EVX2: variants seen among roughly 807,000 people sequenced by gnomAD.
EVX2 encodes the protein homeobox even-skipped homolog protein 2.
EVX2 carries 10 observed loss-of-function variants against 19.2 expected under a neutral mutation model. The ratio of observed to expected loss-of-function variants is 0.52; its 90% CI spans 0.32 to 0.89. The LOEUF is 0.89. Ranked by LOEUF, EVX2 falls within the 40% of genes least tolerant of loss-of-function variation. The pLI is 0.03. For missense variants in EVX2, 710 were observed against 694.9 expected, an observed-to-expected ratio of 1.02 and a Z score of -0.24; for synonymous variants, 354 against 328.4, an observed-to-expected ratio of 1.08 and a Z score of -0.84.
chr2:176,083,204 A>T lies in EVX2; in HGVS notation c.427+146T>A. 1 of 848,120 alleles carries T rather than the reference A, an allele frequency of 1.2e-6. No homozygotes were observed. The highest frequency in any genetic ancestry group is 2.8e-5 in the Admixed American group (1 of 35,206). The allele number at this position is 848,120 out of a possible 1,614,324, so 52.5% of individuals were successfully genotyped here. A position where few individuals can be genotyped will look rare whatever the true frequency, so the allele number is the denominator to read the frequency against. ...AGAACTGGAAGGCACGGTCCCAGAC[A>T]TGCGTCCCGCCCCCGCCCGTGCTAG... On this transcript the variant is annotated intron_variant, in intron 1 of 2. Coordinates refer to ENST00000308618, the MANE Select transcript of EVX2 (RefSeq NM_001080458.2). The surrounding 1 kb of genome is among the most constrained non-coding windows in gnomAD (Gnocchi z 4.4).
chr2:176,080,683 G>C lies in EVX2; in HGVS notation c.855C>G (p.His285Gln). The change falls in exon 3 of 3, where the codon CAC (histidine) becomes CAG (glutamine). Residue 285 changes from histidine to glutamine, a missense_variant. His to Gln is a conservative substitution (Grantham distance 24, BLOSUM62 0). Transcript: ENST00000308618. This position sits in a 1 kb window ranked among gnomAD's most constrained non-coding sequence, Gnocchi z 7.0. ...CCGTGACGCCCACGTGCGGGTAGTA[G>C]TGCAGCGGCACGTGCGAGTGGAAGG... ...PYPFHSHVPL[H>Q]YYPHVGVTAA... 4 of 1,599,788 alleles carry C rather than the reference G, an allele frequency of 2.5e-6. No individual in the cohort carries two copies. The highest frequency in any genetic ancestry group is 3.4e-6 in the Non-Finnish European group (4 of 1,177,926).
In EVX2 at chr2:176,080,357, C is replaced by G; in HGVS notation, c.1181G>C (p.Ser394Thr). The change falls in exon 3 of 3, where the codon AGC (serine) becomes ACC (threonine). Residue 394 changes from serine (S) to threonine (T), a missense_variant. Physicochemically the swap from Ser to Thr is moderately conservative, Grantham distance 58 (BLOSUM62 1). Coordinates refer to ENST00000308618, the MANE Select transcript of EVX2 (RefSeq NM_001080458.2). This position sits in a 1 kb window ranked among gnomAD's most constrained non-coding sequence, Gnocchi z 7.0. ...CGCGGCTGCCGCCGCCGACTGACTG[C>G]TGTGGCAACTGAGGCACGAGCAGGG... ...SAPCSCLSCH[S>T]SQSAAAAAAA... 1 of 1,243,370 alleles carries G rather than the reference C, an allele frequency of 8.0e-7. No individual in the cohort carries two copies. 77.0% of individuals were successfully genotyped at this position (1,243,370 alleles called of 1,614,324 possible). A position where few individuals can be genotyped will look rare whatever the true frequency, so the allele number is the denominator to read the frequency against.
At position 176,082,783 on chromosome 2, in the gene EVX2, T is replaced by C. The variant is rs1483827512; in HGVS notation, c.428-334A>G. Among the ~76,000 whole-genome samples the C allele has an allele frequency of 6.6e-6, 1 of 152,194 alleles. No homozygotes were observed. The highest frequency in any genetic ancestry group is 2.4e-5 in the African/African-American group (1 of 41,438). ...ATGGTCTGGAGACCGCAGGGCAGCT[T>C]TTTATACGGCCTCTAACCTTTATCT... On this transcript the variant is annotated intron_variant, in intron 1 of 2. Coordinates refer to ENST00000308618, the MANE Select transcript of EVX2 (RefSeq NM_001080458.2). The surrounding 1 kb of genome is among the most constrained non-coding windows in gnomAD (Gnocchi z 5.2).
In EVX2 at chr2:176,078,049, C is replaced by T. The variant is rs1689079352; in HGVS notation, c.*2058G>A. On this transcript the variant is annotated 3_prime_UTR_variant, in exon 3 of 3. Coordinates refer to ENST00000308618, the MANE Select transcript of EVX2 (RefSeq NM_001080458.2). ...CCCAGGAATTTCGAAATACTGTTTC[C>T]CCTTTATGTATTTTCCATTTGATGG... The T allele has an allele frequency of 6.6e-6, 1 of 151,936 alleles. No homozygotes were observed. Among genetic ancestry groups the T allele is most frequent in the Admixed American group, 6.6e-5 (1 of 15,244 alleles). The allele number at this position is 151,936 out of a possible 1,614,324, so 9.4% of individuals were successfully genotyped here.
Position 176,081,592 on chromosome 2 carries a change from A to G in EVX2, c.699+586T>C, listed in dbSNP as rs979757726. ...CACCAAATCGCCTAACCTCCCGGCT[A>G]TCTCTCCCAGACGTATAATAAAATT... On this transcript the variant is annotated intron_variant, in intron 2 of 2. Coordinates refer to ENST00000308618, the MANE Select transcript of EVX2 (RefSeq NM_001080458.2). The surrounding 1 kb of genome is among the most constrained non-coding windows in gnomAD (Gnocchi z 5.9). 1.3e-5 allele frequency among the ~76,000 whole-genome samples: 2 copies of G among 152,132 alleles called. No homozygotes were observed. The highest frequency in any genetic ancestry group is 2.9e-5 in the Non-Finnish European group (2 of 68,022).
rs923392475 is a variant in EVX2 at position 176,082,346 on chromosome 2, C to A, written c.531G>T (p.Ala177=). 2 of 1,596,800 alleles carry A rather than the reference C, an allele frequency of 1.3e-6. No homozygotes were observed. Among genetic ancestry groups the A allele is most frequent in the Non-Finnish European group, 1.7e-6 (2 of 1,176,182 alleles). The change falls in exon 2 of 3, where the codon GCG becomes GCT. Residue 177 remains alanine, a synonymous_variant. Coordinates refer to ENST00000308618, the MANE Select transcript of EVX2 (RefSeq NM_001080458.2). This position sits in a 1 kb window ranked among gnomAD's most constrained non-coding sequence, Gnocchi z 5.2. ...CCGCGCCAGAGCCGGAGCCACCCAG[C>A]GCCGCGCTCCCGCCGCTGCCTCCGC... ...GGSGGSGGSA[A]LGGSGSGADQ...
chr2:176,082,230 G>A lies in EVX2; in HGVS notation c.647C>T (p.Pro216Leu), dbSNP rs1405057003. The change falls in exon 2 of 3, where the codon CCC (proline) becomes CTC (leucine). Residue 216 changes from proline (P) to leucine (L), a missense_variant. Physicochemically the swap from Pro to Leu is moderately conservative, Grantham distance 98. Coordinates refer to ENST00000308618, the MANE Select transcript of EVX2 (RefSeq NM_001080458.2). The surrounding 1 kb of genome is among the most constrained non-coding windows in gnomAD (Gnocchi z 5.2). ...EFYRENYVSR[P>L]RRCELAAALN... Reference sequence around the variant, plus strand: ...TGCCGCGGCCAGCTCGCACCGGCGGGGCCGCGACACATAGTTCTCCCGGTA... The same window carrying A: ...TGCCGCGGCCAGCTCGCACCGGCGGAGCCGCGACACATAGTTCTCCCGGTA... The A allele has an allele frequency of 6.9e-6, 11 of 1,601,870 alleles. No homozygotes were observed. Among genetic ancestry groups the A allele is most frequent in the Non-Finnish European group, 9.3e-6 (11 of 1,177,654 alleles).
chr2:176,083,458 C>T lies in EVX2; in HGVS notation c.319G>A (p.Glu107Lys). 1.2e-6 allele frequency: 2 copies of T among 1,614,150 alleles called. No individual in the cohort carries two copies. The highest frequency in any genetic ancestry group is 1.7e-6 in the Non-Finnish European group (2 of 1,180,040). The change falls in exon 1 of 3, where the codon GAG becomes AAG. Residue 107 changes from glutamate to lysine, a missense_variant. Transcript: ENST00000308618. The surrounding 1 kb of genome is among the most constrained non-coding windows in gnomAD (Gnocchi z 4.4). ...CTCATGTCGGCCTCAGCGGCCGCCT[C>T]TGAATAATGGCCCGGCTTCTTGCGG... ...ESRKKPGHYS[E>K]AAAEADMSSD...
rs1689168369 is a variant in EVX2, at chr2:176,082,879, T to TG, written c.428-431dup. Among the ~76,000 whole-genome samples the TG allele has an allele frequency of 6.6e-6, 1 of 151,894 alleles. No homozygotes were observed. Among genetic ancestry groups the TG allele is most frequent in the Non-Finnish European group, 1.5e-5 (1 of 67,984 alleles). ...AGCTCAAACCCAAGCCAATAGGGGGTGAAATATACTTTTCAACTCTTTCTC... is the reference window on the plus strand; with the variant it reads ...AGCTCAAACCCAAGCCAATAGGGGGTGGAAATATACTTTTCAACTCTTTCTC... On this transcript the variant is annotated intron_variant, in intron 1 of 2. Coordinates refer to ENST00000308618, the MANE Select transcript of EVX2 (RefSeq NM_001080458.2). This position sits in a 1 kb window ranked among gnomAD's most constrained non-coding sequence, Gnocchi z 5.2.
At position 176,080,725 on chromosome 2, in the gene EVX2, G is replaced by A. The variant is rs1464733821; in HGVS notation, c.813C>T (p.Thr271=). 4 of 1,607,634 alleles carry A rather than the reference G, an allele frequency of 2.5e-6. No homozygotes were observed. The highest frequency in any genetic ancestry group is 3.4e-6 in the Non-Finnish European group (4 of 1,179,616). The change falls in exon 3 of 3, where the codon ACC becomes ACT. Residue 271 remains threonine, a synonymous_variant. Coordinates refer to ENST00000308618, the MANE Select transcript of EVX2 (RefSeq NM_001080458.2). This position sits in a 1 kb window ranked among gnomAD's most constrained non-coding sequence, Gnocchi z 7.0. ...AGTGGAAGGGGTAGGGCAGGCTTCC[G>A]GTGGCGGCCGCGTGCGTCATCATGT... ...YTYMMTHAAA[T]GSLPYPFHSH...
At position 176,080,480 on chromosome 2, in the gene EVX2, A is replaced by T; in HGVS notation, c.1058T>A (p.Leu353His). The T allele has an allele frequency of 1.5e-6, 2 of 1,308,796 alleles. No individual in the cohort carries two copies. 81.1% of individuals were successfully genotyped at this position (1,308,796 alleles called of 1,614,324 possible). The change falls in exon 3 of 3, where the codon CTC becomes CAC. Residue 353 changes from leucine (L) to histidine (H), a missense_variant. Coordinates refer to ENST00000308618, the MANE Select transcript of EVX2 (RefSeq NM_001080458.2). The surrounding 1 kb of genome is among the most constrained non-coding windows in gnomAD (Gnocchi z 7.0). ...TGCCGCGGCAGAGGCCGCGCTGTTGAGCCCCGCGGCGGCCGCGGGAGCCTG... is the reference window on the plus strand; with the variant it reads ...TGCCGCGGCAGAGGCCGCGCTGTTGTGCCCCGCGGCGGCCGCGGGAGCCTG... ...LYQAPAAAAG[L>H]NSAASAAAAA...
Position 176,081,697 on chromosome 2 carries a change from A to C in EVX2, c.699+481T>G, listed in dbSNP as rs547510078. Among the ~76,000 whole-genome samples, 5 of 152,264 alleles carry C rather than the reference A, an allele frequency of 3.3e-5. No individual in the cohort carries two copies. Among genetic ancestry groups the C allele is most frequent in the African/African-American group, 1.2e-4 (5 of 41,556 alleles). ...GGAGGTTGCCCTTTTTTCGTTGCCC[A>C]AGAGGAAAATGTTCAGGAAACTACT... On this transcript the variant is annotated intron_variant, in intron 2 of 2. Coordinates refer to ENST00000308618, the MANE Select transcript of EVX2 (RefSeq NM_001080458.2). The surrounding 1 kb of genome is among the most constrained non-coding windows in gnomAD (Gnocchi z 5.9).
Position 176,080,481 on chromosome 2 carries a change from G to C in EVX2, c.1057C>G (p.Leu353Val). 1.5e-6 allele frequency: 2 copies of C among 1,330,994 alleles called. No homozygotes were observed. Among genetic ancestry groups the C allele is most frequent in the Non-Finnish European group, 1.9e-6 (2 of 1,045,406 alleles). 82.4% of individuals were successfully genotyped at this position (1,330,994 alleles called of 1,614,324 possible). The change falls in exon 3 of 3, where the codon CTC becomes GTC. Residue 353 changes from leucine (L) to valine (V), a missense_variant. Leu to Val is a conservative substitution (Grantham distance 32). Coordinates refer to ENST00000308618, the MANE Select transcript of EVX2 (RefSeq NM_001080458.2). This position sits in a 1 kb window ranked among gnomAD's most constrained non-coding sequence, Gnocchi z 7.0. Reference protein sequence around the residue: ...LYQAPAAAAGLNSAASAAAAA... With the variant: ...LYQAPAAAAGVNSAASAAAAA... ...GCCGCGGCAGAGGCCGCGCTGTTGAGCCCCGCGGCGGCCGCGGGAGCCTGG... is the reference window on the plus strand; with the variant it reads ...GCCGCGGCAGAGGCCGCGCTGTTGACCCCCGCGGCGGCCGCGGGAGCCTGG...
In EVX2 at chr2:176,077,785, T is replaced by C. The variant is rs1229849776; in HGVS notation, c.*2322A>G. On this transcript the variant is annotated 3_prime_UTR_variant, in exon 3 of 3. Transcript: ENST00000308618. Reference sequence around the variant, plus strand: ...CTGTTAGCTGATCATAACAAAGGACTTTAACAATCTAAATAGGTAAAGCTG... The same window carrying C: ...CTGTTAGCTGATCATAACAAAGGACCTTAACAATCTAAATAGGTAAAGCTG... 2 of 152,172 alleles carry C rather than the reference T, an allele frequency of 1.3e-5. No homozygotes were observed. The highest frequency in any genetic ancestry group is 4.8e-5 in the African/African-American group (2 of 41,444). 9.4% of individuals were successfully genotyped at this position (152,172 alleles called of 1,614,324 possible).
In EVX2 at chr2:176,082,094, C is replaced by T. The variant is rs111624800; in HGVS notation, c.699+84G>A. ...CCAGACCCTTAGCTAAATCTAGCCA[C>T]CCAGAAAGGGGAAAGGGGAAAAAGA... On this transcript the variant is annotated intron_variant, in intron 2 of 2. Transcript: ENST00000308618. This position sits in a 1 kb window ranked among gnomAD's most constrained non-coding sequence, Gnocchi z 5.2. 2.2e-3 allele frequency: 3,042 copies of T among 1,412,192 alleles called. 59 individuals are homozygous for T. In the African/African-American group the frequency reaches 0.04, roughly 18 times the overall value. The allele number at this position is 1,412,192 out of a possible 1,614,324, so 87.5% of individuals were successfully genotyped here.
At position 176,083,388 on chromosome 2, in the gene EVX2, C is replaced by G. The variant is rs779649535; in HGVS notation, c.389G>C (p.Gly130Ala). The change falls in exon 1 of 3, where the codon GGC becomes GCC. Residue 130 changes from glycine (G) to alanine (A), a missense_variant. Coordinates refer to ENST00000308618, the MANE Select transcript of EVX2 (RefSeq NM_001080458.2). This position sits in a 1 kb window ranked among gnomAD's most constrained non-coding sequence, Gnocchi z 4.4. The part of the protein sequence containing the change: ...VGCSALRSPG[G>A]LGAAQLKENN... ...TTCCTTAAGCTGAGCGGCGCCGAGG[C>G]CCCCGGGGGAGCGAAGCGCGGAGCA... 9.9e-6 allele frequency: 16 copies of G among 1,610,190 alleles called. No homozygotes were observed. In the South Asian group the frequency reaches 1.5e-4, roughly 16 times the overall value.
Position 176,080,653 on chromosome 2 carries a change from C to A in EVX2, c.885G>T (p.Ala295=). The A allele has an allele frequency of 3.2e-6, 5 of 1,573,288 alleles. No homozygotes were observed. The South Asian group carries it at 5.7e-5, about 18-fold the overall frequency. Residue 295 remains alanine, a synonymous_variant, in exon 3 of 3, where the codon GCG becomes GCT. Transcript: ENST00000308618. The surrounding 1 kb of genome is among the most constrained non-coding windows in gnomAD (Gnocchi z 7.0). ...HYYPHVGVTA[A]AAAAAASGAA... Reference sequence around the variant, plus strand: ...CGCCTGAGGCTGCAGCCGCGGCCGCCGCCGCCGTGACGCCCACGTGCGGGT... The same window carrying A: ...CGCCTGAGGCTGCAGCCGCGGCCGCAGCCGCCGTGACGCCCACGTGCGGGT...
chr2:176,080,630 C>A lies in EVX2; in HGVS notation c.908G>T (p.Gly303Val). Residue 303 changes from glycine (G) to valine (V), a missense_variant, in exon 3 of 3, where the codon GGC becomes GTC. Transcript: ENST00000308618. This position sits in a 1 kb window ranked among gnomAD's most constrained non-coding sequence, Gnocchi z 7.0. ...TAAAAAAAAS[G>V]AAAAASSPFA... Reference sequence around the variant, plus strand: ...GGGCGACGAAGCCGCGGCCGCCGCGCCTGAGGCTGCAGCCGCGGCCGCCGC... The same window carrying A: ...GGGCGACGAAGCCGCGGCCGCCGCGACTGAGGCTGCAGCCGCGGCCGCCGC... 1.3e-6 allele frequency: 2 copies of A among 1,544,048 alleles called. No homozygotes were observed. The highest frequency in any genetic ancestry group is 1.7e-6 in the Non-Finnish European group (2 of 1,156,082).
At position 176,080,731 on chromosome 2, in the gene EVX2, G is replaced by T; in HGVS notation, c.807C>A (p.Ala269=). 1 of 1,608,286 alleles carries T rather than the reference G, an allele frequency of 6.2e-7. No homozygotes were observed. The change falls in exon 3 of 3, where the codon GCC becomes GCA. Residue 269 remains alanine (A), a synonymous_variant. Transcript: ENST00000308618. This position sits in a 1 kb window ranked among gnomAD's most constrained non-coding sequence, Gnocchi z 7.0. The part of the protein sequence containing the change: ...SFYTYMMTHA[A]ATGSLPYPFH... ...AGGGGTAGGGCAGGCTTCCGGTGGC[G>T]GCCGCGTGCGTCATCATGTAGGTGT...
Sources: gnomAD v4.1 joint callset for allele counts (sites outside exome capture counted in the v4.1 genomes callset) on GRCh38, gnomAD v4.1.1 for gene constraint, Gnocchi (gnomAD v3.1) non-coding constraint, MANE v1.5 for transcripts, NCBI Gene and HGNC (gene_info 2026-07-23, HGNC 2026-07-21) for gene names.